Variants in ZNF528 observed in about 807,000 individuals in gnomAD.
ZNF528 encodes the protein zinc finger protein 528.
A neutral mutation model predicts 13.3 loss-of-function variants in ZNF528; 9 were observed. The ratio of observed to expected loss-of-function variants is 0.67; its 90% CI spans 0.41 to 1.18. The LOEUF is 1.18. Among genes scored for constraint, ZNF528 ranks in the 50% most tolerant of loss-of-function variants. The pLI is 0.01. For missense variants in ZNF528, 858 were observed against 745.4 expected (o/e 1.15, Z -1.76); for synonymous variants, 264 against 254.3 (o/e 1.04, Z -0.36).
chr19:52,403,961 T>G (rs1016343691), intron 4 of ZNF528, among the ~76,000 whole-genome samples: 7 of 71,992 alleles, frequency 9.7e-5, no homozygotes, highest in African/African-American at 1.9e-4. Context: ...ATATATTATA[T>G]ATATGCAGAT....
rs574090444 is a variant in ZNF528 at position 52,408,757 on chromosome 19, G to A, written c.271+2114G>A. On this transcript the variant is annotated intron_variant, in intron 6 of 6. Coordinates refer to ENST00000360465, the MANE Select transcript of ZNF528 (RefSeq NM_032423.3). ...AGTTTTTGTATTTTTAGGAGAAACG[G>A]GGTTTCACCATGTTGGCTAGGCTGG... Among the ~76,000 whole-genome samples, 18 of 152,076 alleles carry A rather than the reference G, an allele frequency of 1.2e-4. 1 individual carries two copies. The highest frequency in any genetic ancestry group is 3.9e-4 in the African/African-American group (16 of 41,470).
At chr19:52,402,161 G>C in intron 4 of ZNF528, 133 bp downstream of exon 4, 2 of 1,292,360 alleles carry the variant, frequency 1.5e-6, no homozygotes, top group Admixed American at 2.0e-5. Context: ...GCTTCTTCCA[G>C]TCCCTTCATT....
Position 52,416,507 on chromosome 19 carries a change from G to C in ZNF528, c.1655G>C (p.Ser552Thr). 6.2e-7 allele frequency: 1 copy of C among 1,614,036 alleles called. No homozygotes were observed. Among genetic ancestry groups the C allele is most frequent in the Non-Finnish European group, 8.5e-7 (1 of 1,180,008 alleles). ...IHTGERPYRC[S>T]KCGKAFRGCS... Reference sequence around the variant, plus strand: ...ACTGGAGAGAGGCCTTACAGATGTAGTAAATGTGGCAAAGCATTTCGAGGG... The same window carrying C: ...ACTGGAGAGAGGCCTTACAGATGTACTAAATGTGGCAAAGCATTTCGAGGG... Residue 552 changes from serine (S) to threonine (T), a missense_variant, in exon 7 of 7, where the codon AGT becomes ACT. Coordinates refer to ENST00000360465, the MANE Select transcript of ZNF528 (RefSeq NM_032423.3).
At chr19:52,414,022 C>T in intron 6 of ZNF528, 1 of 568,198 alleles carries the variant, frequency 1.8e-6, no homozygotes, top group Non-Finnish European at 3.2e-6. Flanking sequence ...GAAACAACTG[C>T]ACGTAGTGTT....
chr19:52,408,974 T>C (rs1156867052), intron 6 of ZNF528, among the ~76,000 whole-genome samples: 1 of 152,226 alleles, frequency 6.6e-6, no homozygotes, highest in Non-Finnish European at 1.5e-5. Context: ...TCTAGAATAC[T>C]AATTAACTTC....
chr19:52,415,417 A>C lies in ZNF528; in HGVS notation c.565A>C (p.Asn189His), dbSNP rs774030096. 4 of 1,614,224 alleles carry C rather than the reference A, an allele frequency of 2.5e-6. No individual in the cohort carries two copies. The Admixed American group carries it at 5.0e-5, about 20-fold the overall frequency. ...CATTAGGGAAAAAGCTTATAAATGT[A>C]ATGAGCACGGCCAAGTCTTTAGAGC... The part of the protein sequence containing the change: ...AHIREKAYKC[N>H]EHGQVFRASA... Residue 189 changes from asparagine (N) to histidine (H), a missense_variant, in exon 7 of 7, where the codon AAT (asparagine) becomes CAT (histidine). Asn to His is a moderately conservative substitution (Grantham distance 68). Coordinates refer to ENST00000360465, the MANE Select transcript of ZNF528 (RefSeq NM_032423.3).
At position 52,415,771 on chromosome 19, in the gene ZNF528, A is replaced by G; in HGVS notation, c.919A>G (p.Asn307Asp). 1 of 1,614,066 alleles carries G rather than the reference A, an allele frequency of 6.2e-7. No individual in the cohort carries two copies. The highest frequency in any genetic ancestry group is 1.1e-5 in the South Asian group (1 of 91,076). The change falls in exon 7 of 7, where the codon AAT (asparagine) becomes GAT (aspartate). Residue 307 changes from asparagine (N) to aspartate (D), a missense_variant. Asn to Asp is a conservative substitution (Grantham distance 23). Transcript: ENST00000360465. ...YKCHECDKVFNQIAHLVRHQK... is the reference protein window; with the variant it reads ...YKCHECDKVFDQIAHLVRHQK... Reference sequence around the variant, plus strand: ...ATGTCATGAATGTGACAAGGTCTTCAATCAAATTGCACACCTTGTACGACA... The same window carrying G: ...ATGTCATGAATGTGACAAGGTCTTCGATCAAATTGCACACCTTGTACGACA...
At chr19:52,403,394 A>G (rs2058817528) in intron 4 of ZNF528, among the ~76,000 whole-genome samples, 1 of 152,114 alleles carries the variant, frequency 6.6e-6, no homozygotes, top group Non-Finnish European at 1.5e-5. Context: ...GACAGGGTGC[A>G]GTGGCTCACC....
chr19:52,411,785 A>C (rs1426282733), intron 6 of ZNF528: 1 of 152,204 alleles, frequency 6.6e-6, no homozygotes, highest in African/African-American at 2.4e-5. Context: ...CATGTCCTTC[A>C]ACATTTCAAA....
chr19:52,408,108 A>G (rs1406528377), intron 6 of ZNF528: 1 of 152,198 alleles, frequency 6.6e-6, no homozygotes, highest in African/African-American at 2.4e-5. Flanking sequence ...TTACTGGCAG[A>G]AATTAATCCT....
chr19:52,410,003 C>T (rs920819475), intron 6 of ZNF528, among the ~76,000 whole-genome samples: 5 of 152,188 alleles, frequency 3.3e-5, no homozygotes, highest in African/African-American at 9.7e-5. Flanking sequence ...GCATGAGCCA[C>T]CATGCCCAGC....
chr19:52,398,680 A>G, intron 2 of ZNF528, 61 bp downstream of exon 2: 2 of 882,564 alleles, frequency 2.3e-6, no homozygotes, highest in Non-Finnish European at 2.7e-6. Flanking sequence ...GCAGGGGAGA[A>G]AAGTAACTGT....
chr19:52,410,661 C>T (rs2122566618), intron 6 of ZNF528, among the ~76,000 whole-genome samples: 1 of 152,282 alleles, frequency 6.6e-6, no homozygotes, highest in South Asian at 2.1e-4. Context: ...TAAGCATTGG[C>T]CTACCTAAAA....
At position 52,415,592 on chromosome 19, in the gene ZNF528, G is replaced by A. The variant is rs757310966; in HGVS notation, c.740G>A (p.Gly247Asp). 6.2e-7 allele frequency: 1 copy of A among 1,613,680 alleles called. No homozygotes were observed. The highest frequency in any genetic ancestry group is 8.5e-7 in the Non-Finnish European group (1 of 1,179,898). ...AAGCCTTACAAATGTCATGAATGTGGCAAGCTCTTCAGTAGCAATTCAAAC... is the reference window on the plus strand; with the variant it reads ...AAGCCTTACAAATGTCATGAATGTGACAAGCTCTTCAGTAGCAATTCAAAC... Reference protein sequence around the residue: ...GEKPYKCHECGKLFSSNSNLS... With the variant: ...GEKPYKCHECDKLFSSNSNLS... Residue 247 changes from glycine to aspartate, a missense_variant, in exon 7 of 7, where the codon GGC becomes GAC. By Grantham distance (94) the Gly-to-Asp change is moderately conservative. Transcript: ENST00000360465.
rs2608512 is a variant in ZNF528, at chr19:52,405,857, G to T, written c.16-50G>T. 8.0e-4 allele frequency: 1,279 copies of T among 1,595,724 alleles called. 2 individuals carry two copies. In the African/African-American group the frequency reaches 9.3e-3, roughly 12 times the overall value. On this transcript the variant is annotated intron_variant, in intron 4 of 6. Coordinates refer to ENST00000360465, the MANE Select transcript of ZNF528 (RefSeq NM_032423.3). ...CGACTGTCTTCCCATTCTTTGTGACGATGAGTACTGTGTGCATACCTTGTT... is the reference window on the plus strand; with the variant it reads ...CGACTGTCTTCCCATTCTTTGTGACTATGAGTACTGTGTGCATACCTTGTT...
intron 6 of ZNF528, chr19:52,411,614 CACTA>C (rs2058932229): frequency 1.3e-5 from 2 of 152,208 alleles, no homozygotes; most frequent in South Asian, 4.1e-4. Flanking sequence ...ACAAGTTTCT[CACTA>C]AGCCATTCTA....
chr19:52,408,737 T>C (rs1166389002), intron 6 of ZNF528, among the ~76,000 whole-genome samples: 1 of 151,954 alleles, frequency 6.6e-6, no homozygotes. Flanking sequence ...CAACTAGTTT[T>C]TGTATTTTTA....
intron 4 of ZNF528, among the ~76,000 whole-genome samples, chr19:52,403,520 C>T (rs1168678259): frequency 1.3e-5 from 2 of 152,110 alleles, no homozygotes; most frequent in East Asian, 1.9e-4. Flanking sequence ...ATTAGCCAGG[C>T]ATGGTGGCGC....
intron 2 of ZNF528, among the ~76,000 whole-genome samples, chr19:52,400,544 C>A (rs998781288): frequency 6.6e-6 from 1 of 152,024 alleles, no homozygotes; most frequent in Non-Finnish European, 1.5e-5. Flanking sequence ...TTTTTAGAGA[C>A]AAGGTCTTGC....
Sources: gnomAD v4.1 joint callset for allele counts (sites outside exome capture counted in the v4.1 genomes callset) on GRCh38, gnomAD v4.1.1 for gene constraint, MANE v1.5 for transcripts, NCBI Gene and HGNC (gene_info 2026-07-23, HGNC 2026-07-21) for gene names.